SMARCC2: variants seen among roughly 807,000 people sequenced by gnomAD.
SMARCC2 encodes SWI/SNF related BAF chromatin remodeling complex subunit C2, also known as SWI/SNF complex subunit SMARCC2.
In SMARCC2, 15 loss-of-function variants were observed where a neutral mutation model predicts 151.3. That is an observed-to-expected ratio of 0.10 (90% CI 0.07 to 0.15). The LOEUF (loss-of-function observed/expected upper bound fraction) is 0.15, where lower values mean the gene tolerates loss of function less well. SMARCC2 is among the 10% of genes least tolerant of loss of function. The pLI, the probability that SMARCC2 is intolerant of heterozygous loss-of-function variation, is 1.00. For missense variants in SMARCC2, 1,031 were observed against 1,599.7 expected, an observed-to-expected ratio of 0.64 and a Z score of 6.06; for synonymous variants, 590 against 609.5, an observed-to-expected ratio of 0.97 and a Z score of 0.47.
chr12:56,185,289 C>T (rs1483742994), intron 3 of SMARCC2, 178 bp from the exon 4 acceptor site: 9 of 572,090 alleles, frequency 1.6e-5, no homozygotes, highest in South Asian at 3.8e-5. Flanking sequence ...AGCAATTCTC[C>T]TGTCTCAGCC....
Position 56,170,158 on chromosome 12 carries a change from TCTC to T in SMARCC2, c.2395_2397del (p.Glu799del). ...TCCCTCTATACCTTGGGCTCCTTCT[TCTC>T]ATCTGTGGCCTGGCCTTCCACCCGA... On this transcript the variant is annotated inframe_deletion, in exon 23 of 29. Coordinates refer to ENST00000550164, the MANE Select transcript of SMARCC2 (RefSeq NM_001330288.2). The T allele has an allele frequency of 6.2e-7, 1 of 1,613,744 alleles. No individual in the cohort carries two copies. Among genetic ancestry groups the T allele is most frequent in the South Asian group, 1.1e-5 (1 of 91,072 alleles).
Position 56,163,616 on chromosome 12 carries a change from T to G in SMARCC2, c.*73A>C. On this transcript the variant is annotated 3_prime_UTR_variant, in exon 29 of 29. Transcript: ENST00000550164. ...CTCTCCAGGCTGGGGAGGGTCCCAG[T>G]GGTGGGGGAAGGGCTGTTCCTGGAA... The G allele has an allele frequency of 1.3e-6, 1 of 781,726 alleles. No individual in the cohort carries two copies. Among genetic ancestry groups the G allele is most frequent in the Non-Finnish European group, 2.0e-6 (1 of 511,398 alleles). The allele number at this position is 781,726 out of a possible 1,614,324, so 48.4% of individuals were successfully genotyped here. A position where few individuals can be genotyped will look rare whatever the true frequency, so the allele number is the denominator to read the frequency against.
chr12:56,173,478 A>G (rs1874346907), intron 17 of SMARCC2, among the ~76,000 whole-genome samples: 1 of 152,162 alleles, frequency 6.6e-6, no homozygotes, highest in South Asian at 2.1e-4. Flanking sequence ...CTTGAGTAAA[A>G]GGATAATCTC....
At position 56,164,372 on chromosome 12, in the gene SMARCC2, C is replaced by T. The variant is rs772189962; in HGVS notation, c.3592G>A (p.Ala1198Thr). 6.2e-6 allele frequency: 10 copies of T among 1,613,684 alleles called. No homozygotes were observed. In the East Asian group the frequency reaches 8.9e-5, roughly 14 times the overall value. ...GCCACAATGGCAGGGCTTTGGGCTG[C>T]GGCGGATCCGAGCCCCGGCCCGAGA... ...LPLGPGLGSA[A>T]AQSPAIVAAV... Residue 1198 changes from alanine (A) to threonine (T), a missense_variant, in exon 28 of 29, where the codon GCA (alanine) becomes ACA (threonine). Ala to Thr is a moderately conservative substitution (Grantham distance 58). Around this residue, in one of 12 missense-constraint regions of SMARCC2, gnomAD observed 310 missense variants for 350.0 expected, o/e 0.89. Transcript: ENST00000550164.
chr12:56,168,784 G>T, intron 25 of SMARCC2, among the ~76,000 whole-genome samples: 1 of 152,144 alleles, frequency 6.6e-6, no homozygotes, highest in Non-Finnish European at 1.5e-5. Flanking sequence ...TTTGAGACCA[G>T]CCTGGGGCAA....
In SMARCC2 at chr12:56,164,557, G is replaced by C. The variant is rs1159040155; in HGVS notation, c.3407C>G (p.Ser1136Cys). The C allele has an allele frequency of 6.2e-7, 1 of 1,614,112 alleles. No individual in the cohort carries two copies. Among genetic ancestry groups the C allele is most frequent in the Non-Finnish European group, 8.5e-7 (1 of 1,179,992 alleles). Residue 1136 changes from serine to cysteine, a missense_variant, in exon 28 of 29, where the codon TCC becomes TGC. By Grantham distance (112) the Ser-to-Cys change is moderately radical. This residue lies in a region of SMARCC2 where 310 missense variants were observed against 350.0 expected (regional missense o/e 0.89). Coordinates refer to ENST00000550164, the MANE Select transcript of SMARCC2 (RefSeq NM_001330288.2). ...SIIPFGSLAD[S>C]ISINLPAPPN... ...AGGAGCGGGGAGGTTAATACTGATG[G>C]AGTCAGCTAGACTACCAAATGGGAT...
chr12:56,181,591 T>C lies in SMARCC2; in HGVS notation c.847A>G (p.Ser283Gly). Residue 283 changes from serine (S) to glycine (G), a missense_variant, in exon 10 of 29, where the codon AGC becomes GGC. Ser to Gly is a moderately conservative substitution (Grantham distance 56). Coordinates refer to ENST00000550164, the MANE Select transcript of SMARCC2 (RefSeq NM_001330288.2). ...SAKTLTDEVNSPDSDRRDKKG... is the reference protein window; with the variant it reads ...SAKTLTDEVNGPDSDRRDKKG... ...TTGTCCCGTCGATCTGAATCTGGGC[T>C]GTTCACCTATAGGATGGAGAATCAG... 1 of 1,601,376 alleles carries C rather than the reference T, an allele frequency of 6.2e-7. No homozygotes were observed. The highest frequency in any genetic ancestry group is 8.5e-7 in the Non-Finnish European group (1 of 1,172,938).
chr12:56,174,852 C>G (rs1874630150), intron 15 of SMARCC2, 88 bp from the exon 16 acceptor site: 1 of 825,794 alleles, frequency 1.2e-6, no homozygotes, highest in Non-Finnish European at 2.1e-6. Context: ...GAGCTAATGA[C>G]TTCTCCTGCA....
intron 5 of SMARCC2, 63 bp from the exon 6 acceptor site, chr12:56,184,307 A>C: frequency 8.3e-7 from 1 of 1,208,458 alleles, no homozygotes; most frequent in South Asian, 1.3e-5. Flanking sequence ...AGGTTTAGCC[A>C]CAGAGCTGCC....
At chr12:56,170,743 T>A (rs1873794021) in intron 22 of SMARCC2, among the ~76,000 whole-genome samples, 3 of 147,514 alleles carry the variant, frequency 2.0e-5, no homozygotes, top group African/African-American at 7.5e-5. Context: ...TTTTTTTTTT[T>A]TTTTTGAGAG....
intron 6 of SMARCC2, 45 bp downstream of exon 6, chr12:56,184,130 A>G (rs1184236974): frequency 7.0e-7 from 1 of 1,430,930 alleles, no homozygotes; most frequent in Non-Finnish European, 9.8e-7. Flanking sequence ...TCTGCCTCCT[A>G]GTCCAAACCA....
At chr12:56,182,231 A>G in intron 7 of SMARCC2, 152 bp from the exon 8 acceptor site, 2 of 543,538 alleles carry the variant, frequency 3.7e-6, no homozygotes, top group East Asian at 3.2e-5. Flanking sequence ...GTAAAAGCAC[A>G]TTACGAAACA....
At position 56,167,951 on chromosome 12, in the gene SMARCC2, AAC is replaced by A. The variant is rs56809897; in HGVS notation, c.2850+107_2850+108del. 0.12 allele frequency: 83,404 copies of A among 686,006 alleles called. 2,491 individuals carry two copies. The highest frequency in any genetic ancestry group is 0.18 in the African/African-American group (8,056 of 44,140). 42.5% of individuals were successfully genotyped at this position (686,006 alleles called of 1,614,324 possible). ...CTGTTGCTTATCTCTCTTTCACTGAAACACACACACACACACACACACACACA... is the reference window on the plus strand; with the variant it reads ...CTGTTGCTTATCTCTCTTTCACTGAAACACACACACACACACACACACACA... On this transcript the variant is annotated intron_variant, in intron 26 of 28. Coordinates refer to ENST00000550164, the MANE Select transcript of SMARCC2 (RefSeq NM_001330288.2).
At chr12:56,183,680 C>T in intron 7 of SMARCC2, 181 bp downstream of exon 7, 1 of 524,344 alleles carries the variant, frequency 1.9e-6, no homozygotes, top group Non-Finnish European at 3.5e-6. Flanking sequence ...CCTTTTAGCC[C>T]AAGGCTTGTC....
At position 56,181,538 on chromosome 12, in the gene SMARCC2, C is replaced by A; in HGVS notation, c.900G>T (p.Lys300Asn). 6.3e-7 allele frequency: 1 copy of A among 1,581,600 alleles called. No homozygotes were observed. Among genetic ancestry groups the A allele is most frequent in the Non-Finnish European group, 8.6e-7 (1 of 1,166,054 alleles). The change falls in exon 10 of 29, where the codon AAG (lysine) becomes AAT (asparagine). Residue 300 changes from lysine (K) to asparagine (N), a missense_variant. Around this residue, in one of 12 missense-constraint regions of SMARCC2, gnomAD observed 127 missense variants for 141.7 expected, o/e 0.90. Transcript: ENST00000550164. The stretch of plus-strand genomic sequence containing the variant: ...GGGTTGGTGAAGGAGAGGGGGAGCG[C>A]TTCCTCTTCTTATAGTTTCCCCCCT... ...DKKGGNYKKR[K>N]RSPSPSPTPE...
chr12:56,181,269 G>A, intron 10 of SMARCC2, 168 bp from the exon 11 acceptor site: 2 of 694,948 alleles, frequency 2.9e-6, no homozygotes, highest in Non-Finnish European at 4.8e-6. Flanking sequence ...CTTTTCACTT[G>A]ATAAAGCTCT....
chr12:56,182,402 G>A (rs1056967105), intron 7 of SMARCC2, among the ~76,000 whole-genome samples: 1 of 151,070 alleles, frequency 6.6e-6, no homozygotes, highest in Admixed American at 6.6e-5. Flanking sequence ...TCGGCTCACT[G>A]CAACCTCCGC....
Position 56,178,863 on chromosome 12 carries a change from C to T in SMARCC2, c.1142-16G>A, listed in dbSNP as rs371038798. Reference sequence around the variant, plus strand: ...TCCTGTTCATCTGAAAGAGAAAAACCAAGATGTAAGGCTGGAGCCTCCTGA... The same window carrying T: ...TCCTGTTCATCTGAAAGAGAAAAACTAAGATGTAAGGCTGGAGCCTCCTGA... On this transcript the variant is annotated splice_polypyrimidine_tract_variant and intron_variant, in intron 12 of 28. Coordinates refer to ENST00000550164, the MANE Select transcript of SMARCC2 (RefSeq NM_001330288.2). 1.2e-6 allele frequency: 2 copies of T among 1,613,816 alleles called. No individual in the cohort carries two copies. The highest frequency in any genetic ancestry group is 2.7e-5 in the African/African-American group (2 of 74,894).
intron 3 of SMARCC2, chr12:56,185,675 G>T: frequency 1.2e-5 from 2 of 162,534 alleles, no homozygotes; most frequent in Non-Finnish European, 1.3e-5. Flanking sequence ...ATGGGGTTTT[G>T]CCAAGTTGGC....
Sources: gnomAD v4.1 joint callset for allele counts (sites outside exome capture counted in the v4.1 genomes callset) on GRCh38, gnomAD v4.1.1 for gene constraint, gnomAD v4.1.1 regional missense constraint, MANE v1.5 for transcripts, NCBI Gene and HGNC (gene_info 2026-07-23, HGNC 2026-07-21) for gene names.